Variants in KHDRBS2 observed in about 807,000 individuals in gnomAD.
KHDRBS2 encodes the protein KH domain-containing, RNA-binding, signal transduction-associated protein 2.
A neutral mutation model predicts 44.3 loss-of-function variants in KHDRBS2; 26 were observed. The ratio of observed to expected loss-of-function variants is 0.59; its 90% confidence interval spans 0.43 to 0.81. KHDRBS2 has a LOEUF of 0.81. KHDRBS2 is among the 40% of genes least tolerant of loss of function. The pLI is 0.00. For missense variants in KHDRBS2, 476 were observed against 433.1 expected (o/e 1.10, Z -0.88); for synonymous variants, 194 against 151.1 (o/e 1.28, Z -2.08).
At chr6:61,750,772 A>C (rs1777562464) in intron 6 of KHDRBS2, among the ~76,000 whole-genome samples, 1 of 151,872 alleles carries the variant, frequency 6.6e-6, no homozygotes. Flanking sequence ...AAAAAAAAAA[A>C]AAAAACATCT....
chr6:61,748,418 C>T (rs2127567388), intron 6 of KHDRBS2, among the ~76,000 whole-genome samples: 1 of 152,248 alleles, frequency 6.6e-6, no homozygotes, highest in Middle Eastern at 3.4e-3. Flanking sequence ...ACCCTGGATA[C>T]CAGCAGTCCT....
chr6:62,027,322 TA>T (rs1783545000), intron 3 of KHDRBS2, among the ~76,000 whole-genome samples: 1 of 152,128 alleles, frequency 6.6e-6, no homozygotes, highest in Non-Finnish European at 1.5e-5. Flanking sequence ...CAGGAAAATA[TA>T]AAGACAAATA....
In KHDRBS2 at chr6:61,945,110, AAAG is replaced by A. The variant is rs1465197116; in HGVS notation, c.483+32953_483+32955del. Among the ~76,000 whole-genome samples, 309 of 46,256 alleles carry A rather than the reference AAAG, an allele frequency of 6.7e-3. 13 individuals carry two copies. Among genetic ancestry groups the A allele is most frequent in the African/African-American group, 0.03 (269 of 8,872 alleles). 30.3% of individuals were successfully genotyped at this position (46,256 alleles called of 152,430 possible). A position where few individuals can be genotyped will look rare whatever the true frequency, so the allele number is the denominator to read the frequency against. ...TGTCTTAAAAAAAAAAAAAAAAAAAAAAGTATATATATATATATATATATATAT... is the reference window on the plus strand; with the variant it reads ...TGTCTTAAAAAAAAAAAAAAAAAAAATATATATATATATATATATATATAT... On this transcript the variant is annotated intron_variant, in intron 4 of 8. Coordinates refer to ENST00000281156, the MANE Select transcript of KHDRBS2 (RefSeq NM_152688.4).
intron 8 of KHDRBS2, among the ~76,000 whole-genome samples, chr6:61,683,015 A>T (rs1304836866): frequency 6.6e-6 from 1 of 151,882 alleles, no homozygotes; most frequent in Admixed American, 6.6e-5. Flanking sequence ...GGTTTTTAAC[A>T]AAAAGAATGT....
At chr6:62,189,513 T>C (rs1824160384) in intron 1 of KHDRBS2, among the ~76,000 whole-genome samples, 2 of 152,070 alleles carry the variant, frequency 1.3e-5, no homozygotes, top group Non-Finnish European at 2.9e-5. Flanking sequence ...ATAAGTAACA[T>C]CATGAGACAG....
chr6:62,124,041 GT>G (rs1361875845), intron 2 of KHDRBS2, among the ~76,000 whole-genome samples: 2 of 152,110 alleles, frequency 1.3e-5, no homozygotes, highest in Non-Finnish European at 2.9e-5. Flanking sequence ...TTTGGCAAAG[GT>G]TACAAGTAAC....
intron 4 of KHDRBS2, among the ~76,000 whole-genome samples, chr6:61,947,597 T>A (rs1321810260): frequency 6.6e-6 from 1 of 152,100 alleles, no homozygotes; most frequent in African/African-American, 2.4e-5. Context: ...GAAAATTTTA[T>A]TCTAGGACAG....
intron 2 of KHDRBS2, among the ~76,000 whole-genome samples, chr6:62,111,718 C>CA (rs1183827864): frequency 6.6e-6 from 1 of 151,916 alleles, no homozygotes; most frequent in African/African-American, 2.4e-5. Flanking sequence ...CCTATATCTA[C>CA]AAAAAATTAG....
chr6:61,569,601 T>C, the KHDRBS2 span, among the ~76,000 whole-genome samples: 3 of 152,118 alleles, frequency 2.0e-5, no homozygotes, highest in African/African-American at 7.2e-5. Flanking sequence ...ACTTCACAGC[T>C]AGCATAACCA....
intron 8 of KHDRBS2, among the ~76,000 whole-genome samples, chr6:61,696,715 G>C (rs1767951031): frequency 2.6e-5 from 4 of 152,000 alleles, no homozygotes; most frequent in Non-Finnish European, 4.4e-5. Context: ...TGATTTTATA[G>C]ACTGACATCC....
At chr6:61,911,928 C>A (rs188384745) in intron 4 of KHDRBS2, among the ~76,000 whole-genome samples, 52 of 151,766 alleles carry the variant, frequency 3.4e-4, no homozygotes, top group Admixed American at 3.4e-3. Flanking sequence ...CTATTCTTTC[C>A]GAATATTTAA....
At chr6:62,071,857 G>A (rs553334193) in intron 2 of KHDRBS2, among the ~76,000 whole-genome samples, 1 of 152,100 alleles carries the variant, frequency 6.6e-6, no homozygotes, top group Non-Finnish European at 1.5e-5. Context: ...CTTTAAAGTA[G>A]TTTTTTCCAA....
intron 3 of KHDRBS2, among the ~76,000 whole-genome samples, chr6:62,016,726 TAG>T (rs1175895706): frequency 6.6e-6 from 1 of 151,758 alleles, no homozygotes; most frequent in African/African-American, 2.4e-5. Context: ...AATGATCAAT[TAG>T]CAATGTGTAC....
At chr6:61,583,660 T>C in the KHDRBS2 span, among the ~76,000 whole-genome samples, 1 of 151,634 alleles carries the variant, frequency 6.6e-6, no homozygotes, top group Admixed American at 6.6e-5. Context: ...TTCAATTTTG[T>C]TCTTCTTGTT....
intron 6 of KHDRBS2, among the ~76,000 whole-genome samples, chr6:61,778,409 G>A (rs1004140955): frequency 2.0e-5 from 3 of 151,982 alleles, no homozygotes; most frequent in African/African-American, 4.8e-5. Flanking sequence ...GAAACTTATA[G>A]AGGTGATAAT....
intron 4 of KHDRBS2, among the ~76,000 whole-genome samples, chr6:61,901,715 C>G (rs1438000842): frequency 6.6e-6 from 1 of 151,968 alleles, no homozygotes; most frequent in Non-Finnish European, 1.5e-5. Context: ...GTTAATATGA[C>G]GATTACTACA....
intron 2 of KHDRBS2, 123 bp from the exon 3 acceptor site, chr6:62,048,117 AACAT>A (rs1788119005): frequency 9.5e-6 from 5 of 523,688 alleles, no homozygotes; most frequent in Middle Eastern, 4.0e-4. Flanking sequence ...TCATGCCATA[AACAT>A]ACACACACAC....
At chr6:62,010,072 A>G (rs2075786025) in intron 3 of KHDRBS2, among the ~76,000 whole-genome samples, 1 of 152,118 alleles carries the variant, frequency 6.6e-6, no homozygotes, top group Admixed American at 6.6e-5. Context: ...GTAGACACTC[A>G]ATGCCAGCCC....
In KHDRBS2 at chr6:61,875,448, G is replaced by A. The variant is rs576864418; in HGVS notation, c.810+19187C>T. 1.8e-4 allele frequency among the ~76,000 whole-genome samples: 27 copies of A among 152,116 alleles called. No individual in the cohort carries two copies. In the South Asian group the frequency reaches 5.6e-3, roughly 32 times the overall value. Reference sequence around the variant, plus strand: ...CCAATAAGTGAAATCCTTTCAATCTGCTTTACTCAGACCCTACTCTTGCCT... The same window carrying A: ...CCAATAAGTGAAATCCTTTCAATCTACTTTACTCAGACCCTACTCTTGCCT... On this transcript the variant is annotated intron_variant, in intron 6 of 8. Transcript: ENST00000281156.
Sources: gnomAD v4.1 joint callset for allele counts (sites outside exome capture counted in the v4.1 genomes callset) on GRCh38, gnomAD v4.1.1 for gene constraint, MANE v1.5 for transcripts, NCBI Gene and HGNC (gene_info 2026-07-23, HGNC 2026-07-21) for gene names.